RBM47: variants seen among roughly 807,000 people sequenced by gnomAD.
RBM47 encodes RNA binding motif protein 47, also known as RNA-binding protein 47.
Under a neutral mutation model 47.1 loss-of-function variants are expected in RBM47, and 21 were observed. The ratio of observed to expected loss-of-function variants is 0.45; its 90% CI spans 0.32 to 0.64. RBM47 has a LOEUF of 0.64. RBM47 is among the 30% of genes least tolerant of loss of function. RBM47 has a pLI of 0.05. For synonymous variants in RBM47, 375 were observed against 361.7 expected (o/e 1.04, Z -0.42); for missense variants, 708 against 870.9 (o/e 0.81, Z 2.35).
intron 1 of RBM47, among the ~76,000 whole-genome samples, chr4:40,552,244 A>G (rs1453478600): frequency 4.6e-5 from 7 of 151,818 alleles, no homozygotes; most frequent in Non-Finnish European, 1.0e-4. Context: ...TAAAAATACA[A>G]AAAATTAACA....
At chr4:40,442,621 T>C (rs1713830492) in intron 3 of RBM47, among the ~76,000 whole-genome samples, 1 of 152,174 alleles carries the variant, frequency 6.6e-6, no homozygotes, top group Admixed American at 6.5e-5. Context: ...TGTTGATCAA[T>C]GGATTATGAT....
chr4:40,438,080 C>G lies in RBM47; in HGVS notation c.814G>C (p.Gly272Arg). Residue 272 changes from glycine to arginine, a missense_variant, in exon 4 of 7, where the codon GGC becomes CGC. Gly to Arg is a moderately radical substitution (Grantham distance 125). Transcript: ENST00000295971. The part of the protein sequence containing the change: ...IKKSFGQFNP[G>R]CVERVKKIRD... ...ATCTTCTTGACGCGCTCCACGCAGCCGGGGTTGAACTGGCCGAAGCTCTTC... is the reference window on the plus strand; with the variant it reads ...ATCTTCTTGACGCGCTCCACGCAGCGGGGGTTGAACTGGCCGAAGCTCTTC... 6.2e-7 allele frequency: 1 copy of G among 1,613,816 alleles called. No individual in the cohort carries two copies. The highest frequency in any genetic ancestry group is 8.5e-7 in the Non-Finnish European group (1 of 1,180,014).
intron 2 of RBM47, among the ~76,000 whole-genome samples, chr4:40,513,853 G>A (rs1577855934): frequency 6.6e-6 from 1 of 151,936 alleles, no homozygotes; most frequent in South Asian, 2.1e-4. Context: ...TGAGTAGCTG[G>A]GACTACCGGC....
At chr4:40,453,862 GAAAT>G (rs200558715) in intron 3 of RBM47, among the ~76,000 whole-genome samples, 1,975 of 151,440 alleles carry the variant, frequency 0.013, 40 homozygotes, top group African/African-American at 0.046. Flanking sequence ...AAAAAAGAAA[GAAAT>G]AATCTCTCCA....
chr4:40,533,451 A>G (rs1727606658), intron 2 of RBM47, among the ~76,000 whole-genome samples: 2 of 152,000 alleles, frequency 1.3e-5, no homozygotes, highest in Non-Finnish European at 2.9e-5. Context: ...AAAAAAAAAA[A>G]AAGAAGAAGG....
chr4:40,576,567 T>C (rs891765465), intron 1 of RBM47, among the ~76,000 whole-genome samples: 6 of 152,164 alleles, frequency 3.9e-5, no homozygotes, highest in African/African-American at 1.4e-4. Context: ...AAATCATTTG[T>C]CATTTTTCTT....
At chr4:40,585,264 A>G (rs945659596) in intron 1 of RBM47, among the ~76,000 whole-genome samples, 2 of 152,228 alleles carry the variant, frequency 1.3e-5, no homozygotes, top group Middle Eastern at 3.4e-3. Context: ...TCCATAGGGG[A>G]AAAAAATGGG....
At chr4:40,480,744 T>G (rs745689399) in intron 2 of RBM47, among the ~76,000 whole-genome samples, 19 of 152,202 alleles carry the variant, frequency 1.2e-4, no homozygotes, top group Non-Finnish European at 2.5e-4. Context: ...TCCCTTTCTG[T>G]CTGTCCCTCT....
intron 1 of RBM47, among the ~76,000 whole-genome samples, chr4:40,617,127 C>T (rs1476260100): frequency 2.0e-5 from 3 of 152,034 alleles, no homozygotes; most frequent in East Asian, 3.9e-4. Flanking sequence ...CCACCCGCCT[C>T]GGCCTCCCAA....
At chr4:40,530,469 A>T (rs1026702137) in intron 2 of RBM47, among the ~76,000 whole-genome samples, 1 of 151,610 alleles carries the variant, frequency 6.6e-6, no homozygotes, top group Non-Finnish European at 1.5e-5. Context: ...CACCCAGCTA[A>T]TTTTTATATT....
intron 1 of RBM47, among the ~76,000 whole-genome samples, chr4:40,597,026 C>A (rs537427137): frequency 1.3e-5 from 2 of 151,964 alleles, no homozygotes; most frequent in Admixed American, 6.6e-5. Context: ...TTTAGGAGGC[C>A]GAGGCAGGCA....
intron 2 of RBM47, among the ~76,000 whole-genome samples, chr4:40,506,584 C>T (rs1386291716): frequency 6.6e-6 from 1 of 152,204 alleles, no homozygotes; most frequent in African/African-American, 2.4e-5. Context: ...TTCTGTTACA[C>T]AGGACAAGAC....
chr4:40,611,603 C>G (rs1736268207), intron 1 of RBM47, among the ~76,000 whole-genome samples: 1 of 152,126 alleles, frequency 6.6e-6, no homozygotes, highest in Non-Finnish European at 1.5e-5. Flanking sequence ...GTGGCGCATG[C>G]CTGTAATCCC....
At position 40,491,750 on chromosome 4, in the gene RBM47, T is replaced by C. The variant is rs17587067; in HGVS notation, c.-154-25051A>G. On this transcript the variant is annotated intron_variant, in intron 2 of 6. Coordinates refer to ENST00000295971, the MANE Select transcript of RBM47 (RefSeq NM_001098634.2). ...CAGAAGCCAAATGACAAAGAGAACGTCATCGTCTGGAAAGCATCGCAATAA... is the reference window on the plus strand; with the variant it reads ...CAGAAGCCAAATGACAAAGAGAACGCCATCGTCTGGAAAGCATCGCAATAA... The C allele has an allele frequency of 1.6e-3, 285 of 179,712 alleles. 4 individuals are homozygous for C. The East Asian group carries it at 0.02, about 13-fold the overall frequency. The allele number at this position is 179,712 out of a possible 1,614,324, so 11.1% of individuals were successfully genotyped here.
chr4:40,466,297 A>G (rs1423393569), intron 3 of RBM47, among the ~76,000 whole-genome samples: 2 of 145,512 alleles, frequency 1.4e-5, no homozygotes, highest in Non-Finnish European at 3.0e-5. Flanking sequence ...AAAGAAAGAA[A>G]TACAGTTGAC....
intron 2 of RBM47, among the ~76,000 whole-genome samples, chr4:40,497,054 A>AAAAAG (rs1553890447): frequency 3.1e-4 from 46 of 150,116 alleles, no homozygotes; most frequent in African/African-American, 1.1e-3. Context: ...AAAAAAAAAA[A>AAAAAG]AAAGAAAGAA....
At chr4:40,508,844 T>C (rs1024999929) in intron 2 of RBM47, among the ~76,000 whole-genome samples, 1 of 152,230 alleles carries the variant, frequency 6.6e-6, no homozygotes, top group Non-Finnish European at 1.5e-5. Context: ...CTTTATGTTA[T>C]ACACTTCAAT....
At chr4:40,507,099 G>C (rs1724201672) in intron 2 of RBM47, among the ~76,000 whole-genome samples, 1 of 152,094 alleles carries the variant, frequency 6.6e-6, no homozygotes, top group African/African-American at 2.4e-5. Context: ...TGGGATCAAA[G>C]GCATGCGCCA....
intron 2 of RBM47, among the ~76,000 whole-genome samples, chr4:40,541,212 G>A (rs1170185720): frequency 6.7e-6 from 1 of 149,440 alleles, no homozygotes; most frequent in African/African-American, 2.5e-5. Flanking sequence ...GCTGCAGTGA[G>A]CCCTGATTGC....
Sources: gnomAD v4.1 joint callset for allele counts (sites outside exome capture counted in the v4.1 genomes callset) on GRCh38, gnomAD v4.1.1 for gene constraint, MANE v1.5 for transcripts, NCBI Gene and HGNC (gene_info 2026-07-23, HGNC 2026-07-21) for gene names.